Variants in ZNF804A observed in about 807,000 individuals in gnomAD.
ZNF804A encodes the protein zinc finger protein 804A.
In ZNF804A, 2 loss-of-function variants were observed where a neutral mutation model predicts 16.5. The ratio of observed to expected loss-of-function variants is 0.12; its 90% CI spans 0.05 to 0.38. The LOEUF (loss-of-function observed/expected upper bound fraction) is 0.38. Among genes scored for constraint, ZNF804A ranks in the 10% least tolerant of loss-of-function variants. The pLI is 0.99. For synonymous variants in ZNF804A, 534 were observed against 489.6 expected, an observed-to-expected ratio of 1.09 and a Z score of -1.20; for missense variants, 1,473 against 1,390.7, an observed-to-expected ratio of 1.06 and a Z score of -0.94.
At chr2:184,861,628 C>T (rs1177001064) in intron 1 of ZNF804A, among the ~76,000 whole-genome samples, 1 of 152,208 alleles carries the variant, frequency 6.6e-6, no homozygotes, top group African/African-American at 2.4e-5. Context: ...AGAGAGCTCA[C>T]ACTTGTCAGG....
intron 1 of ZNF804A, among the ~76,000 whole-genome samples, chr2:184,654,507 T>C (rs993728088): frequency 2.0e-5 from 3 of 152,292 alleles, no homozygotes; most frequent in Non-Finnish European, 2.9e-5. Flanking sequence ...TCTATTGTCA[T>C]ACATTGTTTG....
chr2:184,824,857 TA>T (rs1200611550), intron 1 of ZNF804A, among the ~76,000 whole-genome samples: 2 of 148,920 alleles, frequency 1.3e-5, no homozygotes, highest in East Asian at 3.9e-4. Flanking sequence ...GGAACACCTG[TA>T]AGAGGCTTTT....
In ZNF804A at chr2:184,906,471, T is replaced by A. The variant is rs145108720; in HGVS notation, c.256-27132T>A. 6.2e-4 allele frequency among the ~76,000 whole-genome samples: 95 copies of A among 152,166 alleles called. 1 individual carries two copies. The East Asian group carries it at 0.018, about 29-fold the overall frequency. On this transcript the variant is annotated intron_variant, in intron 2 of 3. Transcript: ENST00000302277. ...CACACAAACAGGCCTATCTAATTTT[T>A]TTATGTTTTTGTAGAGATGGGGTTT...
At chr2:184,737,345 G>A (rs1469487364) in intron 1 of ZNF804A, among the ~76,000 whole-genome samples, 1 of 152,078 alleles carries the variant, frequency 6.6e-6, no homozygotes. Context: ...ACAGGTGTGA[G>A]CCACTGCGAC....
At chr2:184,852,442 G>A (rs1215512846) in intron 1 of ZNF804A, among the ~76,000 whole-genome samples, 1 of 148,208 alleles carries the variant, frequency 6.7e-6, no homozygotes, top group Admixed American at 6.8e-5. Context: ...TTTATACTTT[G>A]AGGTTATCTC....
chr2:184,712,661 T>C (rs942895518), intron 1 of ZNF804A, among the ~76,000 whole-genome samples: 1 of 151,794 alleles, frequency 6.6e-6, no homozygotes, highest in Non-Finnish European at 1.5e-5. Flanking sequence ...AATGCATATA[T>C]TAGTTGGTTT....
At chr2:184,719,054 G>A (rs957480552) in intron 1 of ZNF804A, among the ~76,000 whole-genome samples, 123 of 152,264 alleles carry the variant, frequency 8.1e-4, no homozygotes, top group African/African-American at 2.8e-3. Flanking sequence ...AGGCATTTCC[G>A]TACATCTTCT....
chr2:184,907,793 T>A (rs563348621), intron 2 of ZNF804A, among the ~76,000 whole-genome samples: 4 of 152,298 alleles, frequency 2.6e-5, no homozygotes, highest in Admixed American at 2.6e-4. Flanking sequence ...TTATGCCATA[T>A]AATTGCACAT....
Position 184,933,637 on chromosome 2 carries a change from G to A in ZNF804A, c.290G>A (p.Arg97Gln), listed in dbSNP as rs145158210. The A allele has an allele frequency of 3.7e-6, 6 of 1,606,120 alleles. No individual in the cohort carries two copies. Among genetic ancestry groups the A allele is most frequent in the East Asian group, 2.2e-5 (1 of 44,600 alleles). Reference sequence around the variant, plus strand: ...GAACTGAAACAAAGGGAATTTGCTCGAAATGTAGCATCTAAATCCAGGAAA... The same window carrying A: ...GAACTGAAACAAAGGGAATTTGCTCAAAATGTAGCATCTAAATCCAGGAAA... ...LKELKQREFA[R>Q]NVASKSRKDE... The change falls in exon 3 of 4, where the codon CGA (arginine) becomes CAA (glutamine). Residue 97 changes from arginine to glutamine, a missense_variant. By Grantham distance (43) the Arg-to-Gln change is conservative (BLOSUM62 1). Transcript: ENST00000302277.
intron 2 of ZNF804A, among the ~76,000 whole-genome samples, chr2:184,885,179 C>A (rs959101992): frequency 4.0e-5 from 6 of 149,764 alleles, no homozygotes; most frequent in Admixed American, 6.7e-5. Flanking sequence ...GGCTAAAAAT[C>A]AAAAAAACGA....
intron 3 of ZNF804A, among the ~76,000 whole-genome samples, chr2:184,934,497 C>T (rs940282289): frequency 2.0e-5 from 3 of 151,950 alleles, no homozygotes; most frequent in African/African-American, 7.2e-5. Context: ...TTAGGGATGC[C>T]AAATTTGTAA....
chr2:184,796,833 G>C (rs1694636156), intron 1 of ZNF804A, among the ~76,000 whole-genome samples: 1 of 151,840 alleles, frequency 6.6e-6, no homozygotes, highest in African/African-American at 2.4e-5. Flanking sequence ...TGTCATTACT[G>C]TTGTTCAATT....
At chr2:184,604,711 A>C (rs1267776493) in intron 1 of ZNF804A, among the ~76,000 whole-genome samples, 1 of 152,182 alleles carries the variant, frequency 6.6e-6, no homozygotes, top group Non-Finnish European at 1.5e-5. Context: ...TTTCCTGACC[A>C]TTGAAGGCAC....
chr2:184,796,421 C>T (rs1041564695), intron 1 of ZNF804A, among the ~76,000 whole-genome samples: 7 of 151,900 alleles, frequency 4.6e-5, no homozygotes, highest in African/African-American at 1.2e-4. Flanking sequence ...TTGGTCTGTT[C>T]GGGTTATCCA....
intron 1 of ZNF804A, among the ~76,000 whole-genome samples, chr2:184,778,378 A>T (rs1301693003): frequency 3.3e-5 from 5 of 151,604 alleles, no homozygotes; most frequent in African/African-American, 4.8e-5. Context: ...ACAATATTTT[A>T]CTTTTTGTTG....
chr2:184,924,763 G>T (rs1043153105), intron 2 of ZNF804A, among the ~76,000 whole-genome samples: 4 of 151,636 alleles, frequency 2.6e-5, no homozygotes, highest in Non-Finnish European at 5.9e-5. Flanking sequence ...GATTAAAGAA[G>T]TGTTTCAATT....
At chr2:184,761,167 G>T (rs1694032145) in intron 1 of ZNF804A, among the ~76,000 whole-genome samples, 1 of 152,106 alleles carries the variant, frequency 6.6e-6, no homozygotes. Context: ...AAAGTCAAGA[G>T]ATAAAGCTGG....
chr2:184,813,305 G>A (rs569695840), intron 1 of ZNF804A, among the ~76,000 whole-genome samples: 7 of 152,112 alleles, frequency 4.6e-5, no homozygotes, highest in East Asian at 3.9e-4. Context: ...AGTAATATAC[G>A]TTACTCATAT....
chr2:184,618,456 A>T (rs1204316449), intron 1 of ZNF804A, among the ~76,000 whole-genome samples: 1 of 152,164 alleles, frequency 6.6e-6, no homozygotes. Flanking sequence ...TAGGAAAAAA[A>T]GATTATTTAA....
Sources: allele counts gnomAD v4.1 joint callset (sites outside exome capture counted in the v4.1 genomes callset), GRCh38; gene constraint gnomAD v4.1.1; transcripts MANE v1.5; gene names NCBI Gene and HGNC (gene_info 2026-07-23, HGNC 2026-07-21).